The following KCNIP4 variants were observed in gnomAD, a reference collection of about 807,000 sequenced individuals.
The protein encoded by KCNIP4 is Kv channel-interacting protein 4.
In KCNIP4, 12 loss-of-function variants were observed where a neutral mutation model predicts 34.0. The observed-to-expected ratio is 0.35, with a 90% CI of 0.23 to 0.57. KCNIP4 has a LOEUF of 0.57. Ranked by LOEUF, KCNIP4 falls within the 20% of genes least tolerant of loss-of-function variation. KCNIP4 has a pLI of 0.83. For synonymous variants in KCNIP4, 124 were observed against 102.2 expected (o/e 1.21, Z -1.29); for missense variants, 238 against 311.7 (o/e 0.76, Z 1.78).
At chr4:21,574,023 T>C in intron 1 of KCNIP4, among the ~76,000 whole-genome samples, 1 of 152,046 alleles carries the variant, frequency 6.6e-6, no homozygotes, top group East Asian at 1.9e-4. Context: ...ATTTGGGAGA[T>C]AATAGTGGAG....
chr4:21,667,044 T>C (rs1244345634), intron 1 of KCNIP4, among the ~76,000 whole-genome samples: 1 of 152,084 alleles, frequency 6.6e-6, no homozygotes, highest in Non-Finnish European at 1.5e-5. Flanking sequence ...TAGACAACTA[T>C]AACATTAGAA....
rs1265954535 is a variant in KCNIP4 at position 21,667,444 on chromosome 4, T to G, written c.61+281127A>C. ...TTATTGGGCTCAAGGTCTCACAAGG[T>G]ATGTGAGAGAGGATGTTGGAGACAG... On this transcript the variant is annotated intron_variant, in intron 1 of 8. Coordinates refer to ENST00000382152, the MANE Select transcript of KCNIP4 (RefSeq NM_025221.6). Among the ~76,000 whole-genome samples, 5 of 152,056 alleles carry G rather than the reference T, an allele frequency of 3.3e-5. No individual in the cohort carries two copies. In the East Asian group the frequency reaches 9.6e-4, roughly 29 times the overall value.
Position 20,859,435 on chromosome 4 carries a change from T to C in KCNIP4, c.164-8768A>G, listed in dbSNP as rs181432855. Among the ~76,000 whole-genome samples, 13 of 152,324 alleles carry C rather than the reference T, an allele frequency of 8.5e-5. No homozygotes were observed. The East Asian group carries it at 2.5e-3, about 29-fold the overall frequency. On this transcript the variant is annotated intron_variant, in intron 2 of 8. Transcript: ENST00000382152. ...GAAATACAAATAGTATTTTAATTCATGTATCTTCTAACAAATTTAATTTTA... is the reference window on the plus strand; with the variant it reads ...GAAATACAAATAGTATTTTAATTCACGTATCTTCTAACAAATTTAATTTTA...
At chr4:20,837,848 A>T (rs1038511922) in intron 3 of KCNIP4, among the ~76,000 whole-genome samples, 3 of 143,620 alleles carry the variant, frequency 2.1e-5, no homozygotes, top group Admixed American at 1.4e-4. Flanking sequence ...TGCCCAGCAA[A>T]TTTTTTTTTT....
At chr4:20,873,364 A>T (rs1304044278) in intron 2 of KCNIP4, among the ~76,000 whole-genome samples, 15 of 152,170 alleles carry the variant, frequency 9.9e-5, no homozygotes, top group Non-Finnish European at 2.9e-5. Context: ...TCAGGCTTAA[A>T]ATAGCATTAT....
chr4:21,790,403 T>C (rs34903275), intron 1 of KCNIP4, among the ~76,000 whole-genome samples: 52,601 of 152,032 alleles, frequency 0.35, 10,780 homozygotes, highest in Non-Finnish European at 0.48. Flanking sequence ...TTAGAGTATG[T>C]TACAGAGTAC....
intron 1 of KCNIP4, among the ~76,000 whole-genome samples, chr4:21,372,633 G>A (rs1720576219): frequency 6.8e-6 from 1 of 146,730 alleles, no homozygotes. Flanking sequence ...CACTTATTTG[G>A]TTTTGCAACT....
At chr4:21,206,101 T>C (rs937161458) in intron 1 of KCNIP4, among the ~76,000 whole-genome samples, 3 of 152,162 alleles carry the variant, frequency 2.0e-5, no homozygotes, top group Admixed American at 6.5e-5. Flanking sequence ...CCCTTTTCCA[T>C]TGTGTTAAAG....
chr4:21,616,035 T>C (rs895294660), intron 1 of KCNIP4, among the ~76,000 whole-genome samples: 29 of 152,152 alleles, frequency 1.9e-4, no homozygotes, highest in African/African-American at 6.5e-4. Flanking sequence ...GCCTCTGCTT[T>C]AGCCTCCAAT....
chr4:21,514,120 CCTT>C (rs978470383), intron 1 of KCNIP4, among the ~76,000 whole-genome samples: 1 of 152,122 alleles, frequency 6.6e-6, no homozygotes, highest in South Asian at 2.1e-4. Flanking sequence ...GGCTGTCAGA[CCTT>C]CTAAAAAACC....
intron 1 of KCNIP4, among the ~76,000 whole-genome samples, chr4:21,885,218 G>C (rs1412252367): frequency 6.6e-6 from 1 of 152,058 alleles, no homozygotes; most frequent in Non-Finnish European, 1.5e-5. Context: ...AATACTTGTA[G>C]CATTTATCTT....
intron 1 of KCNIP4, among the ~76,000 whole-genome samples, chr4:21,093,015 G>A (rs575668526): frequency 2.6e-5 from 4 of 152,204 alleles, no homozygotes; most frequent in Non-Finnish European, 5.9e-5. Context: ...ACGGCTTTGA[G>A]ACAGTGCTAT....
chr4:21,736,630 T>C (rs1716009123), intron 1 of KCNIP4, among the ~76,000 whole-genome samples: 2 of 152,182 alleles, frequency 1.3e-5, no homozygotes. Flanking sequence ...CCAATTATTA[T>C]GTCACTTCAT....
chr4:21,049,886 A>G (rs1337744340), intron 1 of KCNIP4, among the ~76,000 whole-genome samples: 3 of 152,160 alleles, frequency 2.0e-5, no homozygotes, highest in Non-Finnish European at 4.4e-5. Flanking sequence ...TAAAAACCCA[A>G]TCTTTCACTT....
chr4:21,511,276 C>T (rs1024277260), intron 1 of KCNIP4, among the ~76,000 whole-genome samples: 4 of 152,022 alleles, frequency 2.6e-5, no homozygotes, highest in Non-Finnish European at 5.9e-5. Context: ...TAGGATATAG[C>T]TATCACTTTT....
intron 1 of KCNIP4, among the ~76,000 whole-genome samples, chr4:21,063,614 T>C (rs1201329503): frequency 6.6e-6 from 1 of 152,146 alleles, no homozygotes; most frequent in Non-Finnish European, 1.5e-5. Context: ...CTGAGACTGA[T>C]TTATCTTTAT....
At chr4:21,371,889 G>T (rs2109441989) in intron 1 of KCNIP4, among the ~76,000 whole-genome samples, 1 of 147,120 alleles carries the variant, frequency 6.8e-6, no homozygotes, top group East Asian at 2.0e-4. Flanking sequence ...AGCTCTTAAA[G>T]TTCAACAGTT....
intron 1 of KCNIP4, among the ~76,000 whole-genome samples, chr4:21,839,275 G>A (rs749914779): frequency 1.2e-4 from 18 of 151,990 alleles, no homozygotes; most frequent in Admixed American, 2.0e-4. Flanking sequence ...AAGTTGCAAC[G>A]TATTATCTAA....
chr4:21,621,429 A>G (rs1744990179), intron 1 of KCNIP4, among the ~76,000 whole-genome samples: 1 of 152,110 alleles, frequency 6.6e-6, no homozygotes. Context: ...TGGTGTGAAC[A>G]TGCCTCACTG....
Sources: allele counts gnomAD v4.1 joint callset (sites outside exome capture counted in the v4.1 genomes callset), GRCh38; gene constraint gnomAD v4.1.1; transcripts MANE v1.5; gene names NCBI Gene and HGNC (gene_info 2026-07-23, HGNC 2026-07-21).